Variants in CALN1 observed in about 807,000 individuals in gnomAD.
CALN1 encodes the protein calneuron 1, also known as calcium-binding protein 8.
A neutral mutation model predicts 30.6 loss-of-function variants in CALN1; 17 were observed. The ratio of observed to expected loss-of-function variants is 0.56; its 90% confidence interval spans 0.38 to 0.83. The LOEUF (loss-of-function observed/expected upper bound fraction) is 0.83, where lower values mean the gene tolerates loss of function less well. CALN1 is among the 40% of genes least tolerant of loss of function. The probability of loss-of-function intolerance (pLI) is 0.00; values close to 1 mark genes in which losing one functional copy is unlikely to be tolerated. For missense variants in CALN1, 291 were observed against 354.9 expected, an observed-to-expected ratio of 0.82 and a Z score of 1.45; for synonymous variants, 156 against 131.4, an observed-to-expected ratio of 1.19 and a Z score of -1.28.
chr7:72,405,381 C>T (rs1314737279), intron 1 of CALN1, among the ~76,000 whole-genome samples: 2 of 152,174 alleles, frequency 1.3e-5, no homozygotes, highest in Non-Finnish European at 2.9e-5. Context: ...ACCCATCTAG[C>T]ATAGCTTGGG....
intron 4 of CALN1, among the ~76,000 whole-genome samples, chr7:72,096,092 A>ATAAAGAT (rs1554438973): frequency 2.5e-4 from 30 of 121,772 alleles, no homozygotes; most frequent in Non-Finnish European, 3.4e-4. Flanking sequence ...TAGATAGATA[A>ATAAAGAT]AGATAGATAG....
At chr7:71,862,277 C>T (rs545503277) in intron 5 of CALN1, among the ~76,000 whole-genome samples, 6 of 152,176 alleles carry the variant, frequency 3.9e-5, no homozygotes, top group African/African-American at 7.2e-5. Flanking sequence ...AATGCTGATA[C>T]GATTTGGCTG....
At chr7:71,963,279 C>G (rs1211464875) in intron 5 of CALN1, among the ~76,000 whole-genome samples, 2 of 152,206 alleles carry the variant, frequency 1.3e-5, no homozygotes, top group Non-Finnish European at 2.9e-5. Flanking sequence ...TCTCCTGCCT[C>G]AGCCTCCAGA....
chr7:72,335,139 ATTC>A (rs1454617641), intron 2 of CALN1, among the ~76,000 whole-genome samples: 4 of 152,102 alleles, frequency 2.6e-5, no homozygotes, highest in African/African-American at 9.7e-5. Context: ...AAAACTCCAC[ATTC>A]TTCTTCCAAC....
intron 2 of CALN1, among the ~76,000 whole-genome samples, chr7:72,347,407 C>CAG (rs1802705420): frequency 6.6e-6 from 1 of 151,812 alleles, no homozygotes; most frequent in South Asian, 2.1e-4. Flanking sequence ...GCTGGGATTA[C>CAG]AGGCATGTGC....
At chr7:72,279,541 T>C (rs986017632) in intron 2 of CALN1, among the ~76,000 whole-genome samples, 5 of 152,094 alleles carry the variant, frequency 3.3e-5, no homozygotes, top group South Asian at 2.1e-4. Context: ...TCTACGCCAA[T>C]AGAAAAAAGC....
intron 5 of CALN1, among the ~76,000 whole-genome samples, chr7:71,899,627 A>G (rs1037725763): frequency 7.2e-5 from 11 of 152,212 alleles, no homozygotes; most frequent in African/African-American, 2.7e-4. Context: ...AAACATCTTG[A>G]TGATATTTAT....
chr7:72,133,441 GAAT>G (rs1310513698), intron 3 of CALN1, among the ~76,000 whole-genome samples: 2 of 152,160 alleles, frequency 1.3e-5, no homozygotes, highest in African/African-American at 4.8e-5. Flanking sequence ...CTTACTTACA[GAAT>G]AATGCCAAAA....
chr7:72,467,565 C>A, the CALN1 span, among the ~76,000 whole-genome samples: 1 of 152,080 alleles, frequency 6.6e-6, no homozygotes, highest in Admixed American at 6.6e-5. Context: ...TGGGGGTCCA[C>A]CTCCCTCACT....
At chr7:71,934,693 A>G (rs1402080277) in intron 5 of CALN1, among the ~76,000 whole-genome samples, 1 of 152,184 alleles carries the variant, frequency 6.6e-6, no homozygotes, top group Non-Finnish European at 1.5e-5. Context: ...CCCCACCTCC[A>G]ACACTGAGGG....
Position 72,111,524 on chromosome 7 carries a change from G to A in CALN1, c.245-5230C>T, listed in dbSNP as rs191141094. 9.9e-5 allele frequency among the ~76,000 whole-genome samples: 15 copies of A among 151,280 alleles called. No individual in the cohort carries two copies. In the East Asian group the frequency reaches 2.8e-3, roughly 28 times the overall value. On this transcript the variant is annotated intron_variant, in intron 3 of 6. Coordinates refer to ENST00000395275, the MANE Select transcript of CALN1 (RefSeq NM_031468.4). ...CCAGGCTGAAGTGCAGTGGCACCAT[G>A]ATAGCTCACTGCAGCCTTGAGCTCC...
chr7:72,378,849 T>G (rs929700575), intron 2 of CALN1, among the ~76,000 whole-genome samples: 1 of 152,174 alleles, frequency 6.6e-6, no homozygotes, highest in Non-Finnish European at 1.5e-5. Flanking sequence ...ATTACAGGCA[T>G]GAGCCACTGC....
At chr7:72,282,441 G>A (rs898714086) in intron 2 of CALN1, among the ~76,000 whole-genome samples, 8 of 152,200 alleles carry the variant, frequency 5.3e-5, no homozygotes, top group African/African-American at 1.7e-4. Flanking sequence ...TAATGTGGTA[G>A]TATTAAGAGA....
intron 2 of CALN1, among the ~76,000 whole-genome samples, chr7:72,401,074 C>G (rs1051090587): frequency 2.6e-5 from 4 of 152,166 alleles, no homozygotes; most frequent in African/African-American, 4.8e-5. Context: ...CCCGTTTTTG[C>G]TAAGGTGTCA....
chr7:72,424,464 T>A (rs1807733771), intron 1 of CALN1, among the ~76,000 whole-genome samples: 1 of 152,160 alleles, frequency 6.6e-6, no homozygotes, highest in Admixed American at 6.6e-5. Flanking sequence ...AAAAATGAAT[T>A]TTAGGCACAC....
At chr7:72,344,113 C>CA (rs1292609801) in intron 2 of CALN1, among the ~76,000 whole-genome samples, 1 of 151,870 alleles carries the variant, frequency 6.6e-6, no homozygotes, top group East Asian at 1.9e-4. Flanking sequence ...GGCTTGATTT[C>CA]AGAAAGGAAG....
chr7:72,270,560 C>T lies in CALN1; in HGVS notation c.244+8126G>A, dbSNP rs941591956. Among the ~76,000 whole-genome samples the T allele has an allele frequency of 3.3e-5, 5 of 151,970 alleles. No homozygotes were observed. The East Asian group carries it at 9.6e-4, about 29-fold the overall frequency. ...ACTGAGGTGGGAGGATTACATGAGC[C>T]CTGGAGTTCAAGACAAGCCTGGGCA... On this transcript the variant is annotated intron_variant, in intron 3 of 6. Coordinates refer to ENST00000395275, the MANE Select transcript of CALN1 (RefSeq NM_031468.4).
chr7:72,458,869 C>CAT, the CALN1 span, among the ~76,000 whole-genome samples: 44 of 132,702 alleles, frequency 3.3e-4, no homozygotes, highest in Non-Finnish European at 3.9e-4. Context: ...TTTATATATT[C>CAT]ATATATATAT....
chr7:72,071,351 C>T (rs1046754252), intron 4 of CALN1, among the ~76,000 whole-genome samples: 1 of 152,284 alleles, frequency 6.6e-6, no homozygotes, highest in East Asian at 1.9e-4. Flanking sequence ...CTCCACCCCA[C>T]CCCCAACCCT....
Sources: gnomAD v4.1 joint callset for allele counts (sites outside exome capture counted in the v4.1 genomes callset) on GRCh38, gnomAD v4.1.1 for gene constraint, MANE v1.5 for transcripts, NCBI Gene and HGNC (gene_info 2026-07-23, HGNC 2026-07-21) for gene names.